NRG1: variants seen among roughly 807,000 people sequenced by gnomAD.
The protein encoded by NRG1 is neuregulin 1.
A neutral mutation model predicts 63.8 loss-of-function variants in NRG1; 18 were observed. The observed-to-expected ratio is 0.28, with a 90% confidence interval of 0.19 to 0.42. The LOEUF (loss-of-function observed/expected upper bound fraction) is 0.42, where lower values mean the gene tolerates loss of function less well. NRG1 is among the 10% of genes least tolerant of loss of function. NRG1 has a pLI of 1.00. For missense variants in NRG1, 762 were observed against 814.7 expected, an observed-to-expected ratio of 0.94 and a Z score of 0.79; for synonymous variants, 302 against 301.3, an observed-to-expected ratio of 1.00 and a Z score of -0.02.
intron 1 of NRG1, among the ~76,000 whole-genome samples, chr8:32,586,010 G>T (rs186324302): frequency 6.6e-6 from 1 of 151,998 alleles, no homozygotes; most frequent in African/African-American, 2.4e-5. Flanking sequence ...TCTGTAAGTT[G>T]GTGATAATGG....
At chr8:31,845,825 G>C (rs1467629261) in intron 1 of NRG1, among the ~76,000 whole-genome samples, 1 of 152,054 alleles carries the variant, frequency 6.6e-6, no homozygotes, top group Admixed American at 6.5e-5. Context: ...TTTTAATGTT[G>C]AAGTTCTATT....
At chr8:32,172,353 C>T (rs1398197252) in intron 1 of NRG1, among the ~76,000 whole-genome samples, 1 of 152,154 alleles carries the variant, frequency 6.6e-6, no homozygotes, top group East Asian at 1.9e-4. Flanking sequence ...TATACATCAC[C>T]ATCATCAAAG....
At position 31,640,426 on chromosome 8, in the gene NRG1, G is replaced by A. The variant is rs1415745813; in HGVS notation, c.37+995G>A. ...CGTGCCCTCTTGGCCCACCGCCCCG[G>A]TGCCCAGCGCCGGCGAGCCCGGGGA... On this transcript the variant is annotated intron_variant, in intron 1 of 10. Coordinates refer to the NRG1 transcript ENST00000519301. The surrounding 1 kb of genome is among the most constrained non-coding windows in gnomAD (Gnocchi z 6.3). The A allele has an allele frequency of 4.0e-6, 6 of 1,504,504 alleles. No individual in the cohort carries two copies. Among genetic ancestry groups the A allele is most frequent in the Non-Finnish European group, 5.3e-6 (6 of 1,125,988 alleles). 93.2% of individuals were successfully genotyped at this position (1,504,504 alleles called of 1,614,324 possible).
intron 1 of NRG1, among the ~76,000 whole-genome samples, chr8:32,058,196 C>A (rs1381864): frequency 0.98 from 148,512 of 152,128 alleles, 72,589 homozygotes; most frequent in Non-Finnish European, 1. Context: ...TTTAATTGCT[C>A]ATCATGAAAT....
At chr8:32,061,826 A>G (rs1334115624) in intron 1 of NRG1, 1 of 152,054 alleles carries the variant, frequency 6.6e-6, no homozygotes, top group African/African-American at 2.4e-5. Context: ...AAATGTCTTT[A>G]TCATTAGGTG....
chr8:32,008,185 C>T (rs552848722), intron 1 of NRG1, among the ~76,000 whole-genome samples: 6 of 152,040 alleles, frequency 3.9e-5, no homozygotes, highest in East Asian at 1.9e-4. Flanking sequence ...AGAAGAGTGT[C>T]GGCTCACTTT....
chr8:32,393,908 C>T (rs1325280342), intron 1 of NRG1, among the ~76,000 whole-genome samples: 4 of 152,042 alleles, frequency 2.6e-5, no homozygotes, highest in Non-Finnish European at 4.4e-5. Flanking sequence ...AATAAATAAA[C>T]TTGGTCTCCA....
chr8:32,381,012 C>T lies in NRG1; in HGVS notation c.38-214816C>T, dbSNP rs73674675. 9.7e-3 allele frequency among the ~76,000 whole-genome samples: 1,481 copies of T among 152,226 alleles called. 36 individuals carry two copies. Among genetic ancestry groups the T allele is most frequent in the African/African-American group, 0.034 (1,429 of 41,544 alleles). On this transcript the variant is annotated intron_variant, in intron 1 of 10. Transcript: ENST00000519301. ...ATCCATGTAACGCTAGATCTTATTT[C>T]TTCTATCAAACTGTATATTTGTACC...
chr8:32,048,434 C>CATACATACAT (rs1821400875), intron 1 of NRG1, among the ~76,000 whole-genome samples: 6 of 73,066 alleles, frequency 8.2e-5, no homozygotes, highest in African/African-American at 2.1e-4. Context: ...CATATGTACA[C>CATACATACAT]ATATATACAT....
chr8:32,510,125 A>ATCATCATCATCATC lies in NRG1; in HGVS notation c.38-85703_38-85702insTCATCATCATCATC, dbSNP rs1554566713. The stretch of plus-strand genomic sequence containing the variant: ...TAATAATAATAATAATAATAATAAT[A>ATCATCATCATCATC]ATCATAAAAGCAAGGGAGGGAGGGA... On this transcript the variant is annotated intron_variant, in intron 1 of 10. Transcript: ENST00000519301. Among the ~76,000 whole-genome samples, 8 of 148,056 alleles carry ATCATCATCATCATC rather than the reference A, an allele frequency of 5.4e-5. No homozygotes were observed. In the South Asian group the frequency reaches 1.3e-3, roughly 24 times the overall value.
intron 1 of NRG1, among the ~76,000 whole-genome samples, chr8:32,458,554 T>C (rs1821902545): frequency 6.6e-6 from 1 of 152,156 alleles, no homozygotes; most frequent in African/African-American, 2.4e-5. Flanking sequence ...ATTTCTGCCA[T>C]TTTTTCTTTT....
At chr8:32,018,653 T>G (rs887528158) in intron 1 of NRG1, among the ~76,000 whole-genome samples, 9 of 152,240 alleles carry the variant, frequency 5.9e-5, no homozygotes, top group African/African-American at 2.2e-4. Context: ...TGTATGTTGT[T>G]TTTTCACTGT....
intron 1 of NRG1, among the ~76,000 whole-genome samples, chr8:32,284,489 GCCTTCCTTCCTTCCTTCCTT>G (rs367763292): frequency 1.3e-4 from 17 of 132,612 alleles, no homozygotes; most frequent in South Asian, 8.1e-4. Flanking sequence ...CTGCCTGCCT[GCCTTCCTTCCTTCCTTCCTT>G]CCTTCCTTCC....
At chr8:31,787,606 G>A (rs1162320599) in intron 1 of NRG1, among the ~76,000 whole-genome samples, 2 of 152,144 alleles carry the variant, frequency 1.3e-5, no homozygotes, top group Non-Finnish European at 2.9e-5. Context: ...GTATGAATAT[G>A]GACCAACAAC....
rs561269739 is a variant in NRG1, at chr8:32,573,209, C to G, written c.101-22619C>G. On this transcript the variant is annotated intron_variant, in intron 1 of 11. Coordinates refer to ENST00000356819, the Ensembl canonical transcript of NRG1. ...CTGCTGTCTGTCTTTATGAAACCTG[C>G]CAATACTTATTGCTAGATGAAATTC... 3.7e-4 allele frequency among the ~76,000 whole-genome samples: 56 copies of G among 152,266 alleles called. No homozygotes were observed. In the South Asian group the frequency reaches 0.011, roughly 30 times the overall value.
chr8:32,056,274 C>T (rs1822922405), intron 1 of NRG1, among the ~76,000 whole-genome samples: 1 of 152,140 alleles, frequency 6.6e-6, no homozygotes, highest in South Asian at 2.1e-4. Flanking sequence ...TTTCTGTCTT[C>T]CAATTAAGAT....
intron 1 of NRG1, among the ~76,000 whole-genome samples, chr8:32,197,134 AT>A (rs1413176706): frequency 6.6e-6 from 1 of 150,456 alleles, no homozygotes; most frequent in Non-Finnish European, 1.5e-5. Flanking sequence ...TAATTTTTGT[AT>A]TTTTTAGTAC....
intron 1 of NRG1, among the ~76,000 whole-genome samples, chr8:31,822,544 A>G (rs1824106412): frequency 6.6e-6 from 1 of 152,204 alleles, no homozygotes; most frequent in South Asian, 2.1e-4. Context: ...CACAGCAGCC[A>G]CTAGGCCTCC....
rs570822927 is a variant in NRG1 at position 32,055,231 on chromosome 8, A to G, written c.37+415800A>G. Among the ~76,000 whole-genome samples, 56 of 152,060 alleles carry G rather than the reference A, an allele frequency of 3.7e-4. 1 individual carries two copies. The highest frequency in any genetic ancestry group is 4.4e-4 in the Non-Finnish European group (30 of 68,024). Reference sequence around the variant, plus strand: ...TACTTCCTCAAACATTTGAGGATAAAGACATAATATGTGATAGTTTTAGGT... The same window carrying G: ...TACTTCCTCAAACATTTGAGGATAAGGACATAATATGTGATAGTTTTAGGT... On this transcript the variant is annotated intron_variant, in intron 1 of 10. Transcript: ENST00000519301.
Sources: allele counts gnomAD v4.1 joint callset (sites outside exome capture counted in the v4.1 genomes callset), GRCh38; gene constraint gnomAD v4.1.1; non-coding constraint Gnocchi (gnomAD v3.1); transcripts MANE v1.5; gene names NCBI Gene and HGNC (gene_info 2026-07-23, HGNC 2026-07-21).